CBLB: variants seen among roughly 807,000 people sequenced by gnomAD.
CBLB encodes E3 ubiquitin-protein ligase CBL-B.
CBLB carries 31 observed loss-of-function variants against 104.9 expected under a neutral mutation model. The observed-to-expected ratio is 0.30, with a 90% CI of 0.22 to 0.40. The LOEUF (loss-of-function observed/expected upper bound fraction) is 0.40. CBLB is among the 10% of genes least tolerant of loss of function. The pLI is 1.00. For synonymous variants in CBLB, 440 were observed against 422.6 expected (o/e 1.04, Z -0.51); for missense variants, 1,062 against 1,214.6 (o/e 0.87, Z 1.87).
chr3:105,667,213 G>C (rs1450108133), intron 18 of CBLB, among the ~76,000 whole-genome samples: 18 of 152,082 alleles, frequency 1.2e-4, no homozygotes, highest in Admixed American at 1.2e-3. Flanking sequence ...ATCAAGCATT[G>C]TTTTCAAGTG....
chr3:105,734,783 T>C (rs2074720694), intron 8 of CBLB, among the ~76,000 whole-genome samples: 1 of 152,202 alleles, frequency 6.6e-6, no homozygotes, highest in African/African-American at 2.4e-5. Flanking sequence ...GACTAAAAAG[T>C]GCATACGCTT....
chr3:105,661,097 C>G lies in CBLB; in HGVS notation c.2690-1868G>C, dbSNP rs1028820104. ...AAATTACAGGCGTGAGCCACCACGT[C>G]CGGCCATGATGACAGTCTTATTTTA... On this transcript the variant is annotated intron_variant, in intron 18 of 18. Transcript: ENST00000394030. 2.0e-5 allele frequency among the ~76,000 whole-genome samples: 3 copies of G among 152,124 alleles called. No homozygotes were observed. In the East Asian group the frequency reaches 5.8e-4, roughly 29 times the overall value.
intron 3 of CBLB, among the ~76,000 whole-genome samples, chr3:105,777,605 G>C (rs1036139809): frequency 1.3e-5 from 2 of 152,180 alleles, no homozygotes; most frequent in South Asian, 2.1e-4. Context: ...TGGGTAACAG[G>C]GTGAGACAAT....
At chr3:105,713,191 T>C (rs2071349260) in intron 10 of CBLB, among the ~76,000 whole-genome samples, 1 of 152,100 alleles carries the variant, frequency 6.6e-6, no homozygotes, top group Admixed American at 6.6e-5. Flanking sequence ...TTTTTATATA[T>C]ATGAACTCAT....
chr3:105,695,036 T>C (rs1334239461), intron 12 of CBLB, among the ~76,000 whole-genome samples: 3 of 151,878 alleles, frequency 2.0e-5, no homozygotes, highest in African/African-American at 7.2e-5. Context: ...ATATTGAGCA[T>C]TGGAAGTCAT....
intron 3 of CBLB, among the ~76,000 whole-genome samples, chr3:105,825,501 G>C (rs1263875488): frequency 6.6e-6 from 1 of 152,182 alleles, no homozygotes; most frequent in African/African-American, 2.4e-5. Flanking sequence ...ATATAGGAGA[G>C]GAGTCAGGCT....
At chr3:105,746,200 G>A (rs757180183) in intron 5 of CBLB, among the ~76,000 whole-genome samples, 162 bp from the exon 6 acceptor site, 1 of 152,116 alleles carries the variant, frequency 6.6e-6, no homozygotes, top group Admixed American at 6.5e-5. Context: ...AACAGCAGAC[G>A]TTCAAGTCTA....
chr3:105,663,747 T>C (rs937439854), intron 18 of CBLB, among the ~76,000 whole-genome samples: 7 of 152,096 alleles, frequency 4.6e-5, no homozygotes, highest in Non-Finnish European at 2.9e-5. Context: ...GGGGCAATCA[T>C]TGGTTCTTGT....
chr3:105,836,525 G>C (rs2088535381), intron 3 of CBLB, among the ~76,000 whole-genome samples: 1 of 152,078 alleles, frequency 6.6e-6, no homozygotes, highest in African/African-American at 2.4e-5. Flanking sequence ...TTTATCTTAG[G>C]GCTGGGTTTT....
intron 4 of CBLB, among the ~76,000 whole-genome samples, chr3:105,773,954 G>A (rs1560179734): frequency 1.3e-5 from 2 of 152,246 alleles, no homozygotes; most frequent in South Asian, 2.1e-4. Flanking sequence ...CCTGAGCAGA[G>A]AGGGTAGCAC....
chr3:105,865,828 C>T (rs542727515), intron 2 of CBLB, among the ~76,000 whole-genome samples: 6 of 152,272 alleles, frequency 3.9e-5, no homozygotes, highest in African/African-American at 1.4e-4. Flanking sequence ...TTGCTGTCCA[C>T]TTACGTAGCA....
In CBLB at chr3:105,746,047, TA is replaced by T; in HGVS notation, c.724-10del. 2.5e-6 allele frequency: 4 copies of T among 1,571,812 alleles called. No homozygotes were observed. Among genetic ancestry groups the T allele is most frequent in the Non-Finnish European group, 2.6e-6 (3 of 1,143,010 alleles). On this transcript the variant is annotated splice_polypyrimidine_tract_variant and intron_variant, in intron 5 of 18. Transcript: ENST00000394030. ...AAAATAGAGCCCCAAGGCTAAAAAA[TA>T]AAAAAATTAAAAGAGATTAGTATCT...
In CBLB at chr3:105,681,569, G is replaced by A. The variant is rs114304782; in HGVS notation, c.2338C>T (p.Pro780Ser). The A allele has an allele frequency of 8.7e-6, 14 of 1,613,930 alleles. No homozygotes were observed. The highest frequency in any genetic ancestry group is 3.3e-5 in the Admixed American group (2 of 60,002). Residue 780 changes from proline (P) to serine (S), a missense_variant, in exon 16 of 19, where the codon CCT becomes TCT. Pro to Ser is a moderately conservative substitution (Grantham distance 74). Coordinates refer to ENST00000394030, the MANE Select transcript of CBLB (RefSeq NM_170662.5). The part of the protein sequence containing the change: ...DSASDPVPLP[P>S]ARPPTRDNPK... Reference sequence around the variant, plus strand: ...TTGTCCCGAGTTGGAGGCCTGGCAGGTGGTAATGGCACGGGATCAGAGGCT... The same window carrying A: ...TTGTCCCGAGTTGGAGGCCTGGCAGATGGTAATGGCACGGGATCAGAGGCT...
At chr3:105,866,805 C>T (rs886512883) in intron 2 of CBLB, among the ~76,000 whole-genome samples, 3 of 152,118 alleles carry the variant, frequency 2.0e-5, no homozygotes, top group Non-Finnish European at 4.4e-5. Context: ...ATAAATTTTC[C>T]TTTCACAATA....
At position 105,759,239 on chromosome 3, in the gene CBLB, TG is replaced by T. The variant is rs373249788; in HGVS notation, c.567-7622del. On this transcript the variant is annotated intron_variant, in intron 4 of 18. Transcript: ENST00000394030. ...AGTCTGATGTCTGTGTGAGTCTGGC[TG>T]GGTCTGGAGTTTTTCATGGGCTCAG... is the stretch of plus-strand genomic sequence containing the variant. Among the ~76,000 whole-genome samples the T allele has an allele frequency of 6.3e-4, 96 of 152,280 alleles. 2 individuals carry two copies. In the East Asian group the frequency reaches 0.017, roughly 27 times the overall value.
intron 3 of CBLB, among the ~76,000 whole-genome samples, chr3:105,788,252 T>C (rs1421777378): frequency 6.6e-6 from 1 of 152,090 alleles, no homozygotes; most frequent in Non-Finnish European, 1.5e-5. Flanking sequence ...GCCACATAAA[T>C]AAAACTTCCT....
intron 3 of CBLB, among the ~76,000 whole-genome samples, chr3:105,822,944 T>A (rs1423574564): frequency 6.6e-6 from 1 of 152,176 alleles, no homozygotes; most frequent in Non-Finnish European, 1.5e-5. Flanking sequence ...ACACCCTACC[T>A]TGTTGACATG....
chr3:105,751,712 T>C, intron 4 of CBLB, 94 bp from the exon 5 acceptor site: 1 of 894,234 alleles, frequency 1.1e-6, no homozygotes, highest in Non-Finnish European at 1.8e-6. Flanking sequence ...ATAAAATTAA[T>C]ATAATTGTAT....
intron 3 of CBLB, among the ~76,000 whole-genome samples, chr3:105,842,306 A>G (rs1249398731): frequency 6.6e-6 from 1 of 152,196 alleles, no homozygotes; most frequent in African/African-American, 2.4e-5. Context: ...GTCTTCTGCT[A>G]GCCCTGAAAG....
Sources: gnomAD v4.1 joint callset for allele counts (sites outside exome capture counted in the v4.1 genomes callset) on GRCh38, gnomAD v4.1.1 for gene constraint, MANE v1.5 for transcripts, NCBI Gene and HGNC (gene_info 2026-07-23, HGNC 2026-07-21) for gene names.